PAK5: variants seen among roughly 807,000 people sequenced by gnomAD.
The protein encoded by PAK5 is serine/threonine-protein kinase PAK 5.
PAK5 carries 16 observed loss-of-function variants against 65.9 expected under a neutral mutation model. The observed-to-expected ratio is 0.24, with a 90% CI of 0.16 to 0.37. The LOEUF is 0.37. PAK5 is among the 10% of genes least tolerant of loss of function. The pLI is 1.00. For synonymous variants in PAK5, 371 were observed against 354.9 expected (o/e 1.05, Z -0.51); for missense variants, 785 against 903.9 (o/e 0.87, Z 1.69).
At chr20:9,760,579 A>G (rs1600338067) in intron 1 of PAK5, among the ~76,000 whole-genome samples, 4 of 87,742 alleles carry the variant, frequency 4.6e-5, no homozygotes, top group Middle Eastern at 7.2e-3. Context: ...ATGGTTGAGA[A>G]AAAAAAAAAA....
intron 1 of PAK5, among the ~76,000 whole-genome samples, chr20:9,754,291 G>A (rs2048608548): frequency 6.6e-6 from 1 of 152,082 alleles, no homozygotes; most frequent in Non-Finnish European, 1.5e-5. Flanking sequence ...ACTTAAATTG[G>A]TCTCCCCCAG....
chr20:9,648,283 G>C lies in PAK5; in HGVS notation c.-11-3944C>G, dbSNP rs192287229. 1.8e-3 allele frequency among the ~76,000 whole-genome samples: 281 copies of C among 152,310 alleles called. 2 individuals carry two copies. Among genetic ancestry groups the C allele is most frequent in the African/African-American group, 6.2e-3 (259 of 41,562 alleles). On this transcript the variant is annotated intron_variant, in intron 2 of 9. Transcript: ENST00000353224. ...GCAGGCTTTCAGAGGTCTTCTCCTAGTGAACTCACACGGGTTGTGGTTAAT... is the reference window on the plus strand; with the variant it reads ...GCAGGCTTTCAGAGGTCTTCTCCTACTGAACTCACACGGGTTGTGGTTAAT...
intron 1 of PAK5, among the ~76,000 whole-genome samples, chr20:9,830,596 G>T (rs934776080): frequency 6.6e-6 from 1 of 152,066 alleles, no homozygotes; most frequent in South Asian, 2.1e-4. Flanking sequence ...CTGCTTCATT[G>T]TTTCTTTCAG....
intron 3 of PAK5, among the ~76,000 whole-genome samples, chr20:9,604,258 G>A (rs189748893): frequency 4.9e-4 from 74 of 152,314 alleles, no homozygotes; most frequent in Admixed American, 1.1e-3. Flanking sequence ...TTAAATGAAG[G>A]TTGCCAGCTG....
At chr20:9,753,768 T>C (rs943799969) in intron 1 of PAK5, among the ~76,000 whole-genome samples, 3 of 152,272 alleles carry the variant, frequency 2.0e-5, no homozygotes, top group African/African-American at 7.2e-5. Context: ...CTGTAGACTG[T>C]TGTATAAGAA....
At chr20:9,788,043 TA>T (rs1358141482) in intron 1 of PAK5, among the ~76,000 whole-genome samples, 1 of 151,746 alleles carries the variant, frequency 6.6e-6, no homozygotes, top group Non-Finnish European at 1.5e-5. Context: ...GTGCTGTTGA[TA>T]GGGGGAAAAA....
At chr20:9,739,572 T>G (rs1419858489) in intron 1 of PAK5, among the ~76,000 whole-genome samples, 1 of 152,200 alleles carries the variant, frequency 6.6e-6, no homozygotes, top group African/African-American at 2.4e-5. Context: ...TACTTTCTTT[T>G]GATTTTTAAA....
At chr20:9,669,535 T>C (rs1230957070) in intron 2 of PAK5, among the ~76,000 whole-genome samples, 2 of 152,094 alleles carry the variant, frequency 1.3e-5, no homozygotes, top group African/African-American at 2.4e-5. Context: ...TGTAGGAAAG[T>C]ATATCAAAAA....
intron 3 of PAK5, among the ~76,000 whole-genome samples, chr20:9,641,564 C>A (rs1274479790): frequency 1.3e-5 from 2 of 151,806 alleles, no homozygotes; most frequent in Non-Finnish European, 2.9e-5. Context: ...GGTGGAGCTG[C>A]CTGCCAGTCC....
At chr20:9,641,625 C>T (rs752090681) in intron 3 of PAK5, among the ~76,000 whole-genome samples, 15 of 151,954 alleles carry the variant, frequency 9.9e-5, no homozygotes, top group South Asian at 2.1e-4. Context: ...TGGGACTGGG[C>T]GCTGTGGAGC....
At chr20:9,626,080 T>C (rs770333343) in intron 3 of PAK5, among the ~76,000 whole-genome samples, 12 of 152,204 alleles carry the variant, frequency 7.9e-5, no homozygotes, top group Non-Finnish European at 1.3e-4. Context: ...AGACTCGACC[T>C]TTACATAAAA....
chr20:9,692,919 C>T (rs905394350), intron 2 of PAK5, among the ~76,000 whole-genome samples: 8 of 151,960 alleles, frequency 5.3e-5, no homozygotes, highest in African/African-American at 1.5e-4. Context: ...CACCAACACA[C>T]GAACTCACAA....
At chr20:9,613,660 G>A (rs536246583) in intron 3 of PAK5, among the ~76,000 whole-genome samples, 2 of 152,288 alleles carry the variant, frequency 1.3e-5, no homozygotes, top group South Asian at 4.2e-4. Flanking sequence ...CTTTATCAGA[G>A]CTTAAACTGT....
chr20:9,596,100 G>C (rs962670792), intron 3 of PAK5, among the ~76,000 whole-genome samples: 14 of 152,090 alleles, frequency 9.2e-5, no homozygotes, highest in Non-Finnish European at 4.4e-5. Context: ...GGGAAACAAA[G>C]TTGATTTTTA....
chr20:9,810,104 C>G (rs140534636), intron 1 of PAK5, among the ~76,000 whole-genome samples: 1 of 152,162 alleles, frequency 6.6e-6, no homozygotes, highest in Admixed American at 6.6e-5. Context: ...GCTCCTTCCA[C>G]CTGTGCAGCA....
chr20:9,591,672 C>G (rs1011867159), intron 3 of PAK5, among the ~76,000 whole-genome samples: 1 of 151,928 alleles, frequency 6.6e-6, no homozygotes, highest in African/African-American at 2.4e-5. Context: ...TTGCAACTAC[C>G]TCCCCAAATC....
intron 1 of PAK5, among the ~76,000 whole-genome samples, chr20:9,767,541 A>G (rs779478236): frequency 8.5e-4 from 130 of 152,082 alleles, no homozygotes; most frequent in Admixed American, 1.4e-3. Context: ...GACCTTTCCC[A>G]TTTCATTTAA....
At chr20:9,612,535 G>C (rs1056020685) in intron 3 of PAK5, among the ~76,000 whole-genome samples, 1 of 151,944 alleles carries the variant, frequency 6.6e-6, no homozygotes, top group Non-Finnish European at 1.5e-5. Flanking sequence ...AGTGGGGAGG[G>C]GCCGCACATT....
intron 3 of PAK5, among the ~76,000 whole-genome samples, chr20:9,602,116 C>A (rs920148846): frequency 4.0e-5 from 6 of 151,898 alleles, no homozygotes; most frequent in African/African-American, 1.4e-4. Context: ...CATAGTGAAA[C>A]CCCGTCTTTA....
Sources: gnomAD v4.1 joint callset for allele counts (sites outside exome capture counted in the v4.1 genomes callset) on GRCh38, gnomAD v4.1.1 for gene constraint, MANE v1.5 for transcripts, NCBI Gene and HGNC (gene_info 2026-07-23, HGNC 2026-07-21) for gene names.